ZNF536: variants seen among roughly 807,000 people sequenced by gnomAD.
ZNF536 encodes the protein zinc finger protein 536.
ZNF536 carries 13 observed loss-of-function variants against 84.5 expected under a neutral mutation model. The observed-to-expected ratio is 0.15, with a 90% confidence interval of 0.10 to 0.24. The LOEUF is 0.24. Ranked by LOEUF, ZNF536 falls within the 10% of genes least tolerant of loss-of-function variation. The probability of loss-of-function intolerance (pLI) is 1.00; values close to 1 mark genes in which losing one functional copy is unlikely to be tolerated. For synonymous variants in ZNF536, 811 were observed against 742.5 expected (o/e 1.09, Z -1.50); for missense variants, 1,536 against 1,747.5 (o/e 0.88, Z 2.16).
chr19:30,279,486 C>T (rs1052398079), intron 1 of ZNF536, among the ~76,000 whole-genome samples: 3 of 152,138 alleles, frequency 2.0e-5, no homozygotes, highest in Non-Finnish European at 2.9e-5. Flanking sequence ...CATCCCCCAG[C>T]GTTGTCTGAG....
intron 1 of ZNF536, among the ~76,000 whole-genome samples, chr19:30,267,888 C>G (rs1364404899): frequency 6.6e-6 from 1 of 150,378 alleles, no homozygotes; most frequent in Non-Finnish European, 1.5e-5. Flanking sequence ...GTGACAGAGA[C>G]ACACACACAC....
chr19:30,630,269 C>T (rs899557438), intron 1 of ZNF536, among the ~76,000 whole-genome samples: 3 of 152,310 alleles, frequency 2.0e-5, no homozygotes, highest in African/African-American at 7.2e-5. Flanking sequence ...ATATCTCAGG[C>T]ACTTTCTATT....
intron 2 of ZNF536, among the ~76,000 whole-genome samples, chr19:30,459,476 A>G (rs2053034000): frequency 6.6e-6 from 1 of 150,736 alleles, no homozygotes; most frequent in African/African-American, 2.4e-5. Context: ...TCAGCCTCCC[A>G]AGTAGCTGGG....
At chr19:30,405,036 G>A (rs984259885) in intron 1 of ZNF536, among the ~76,000 whole-genome samples, 7 of 152,204 alleles carry the variant, frequency 4.6e-5, no homozygotes, top group African/African-American at 1.7e-4. Context: ...AGAGGCGTAG[G>A]GGAATGTATG....
chr19:30,278,713 A>G (rs946766904), intron 1 of ZNF536, among the ~76,000 whole-genome samples: 2 of 152,058 alleles, frequency 1.3e-5, no homozygotes, highest in African/African-American at 4.8e-5. Flanking sequence ...GTCATGGAAC[A>G]CATCCCGAAT....
intron 1 of ZNF536, among the ~76,000 whole-genome samples, chr19:30,614,334 C>T (rs563076762): frequency 3.3e-5 from 5 of 151,688 alleles, no homozygotes; most frequent in African/African-American, 1.2e-4. Flanking sequence ...TTTTAGAGAT[C>T]TACTATAATT....
At chr19:30,264,641 T>C (rs555506909) in intron 1 of ZNF536, among the ~76,000 whole-genome samples, 3 of 152,124 alleles carry the variant, frequency 2.0e-5, no homozygotes, top group Middle Eastern at 3.4e-3. Flanking sequence ...CACTTTCTCA[T>C]ATAAGAGACA....
At chr19:30,576,062 A>G (rs2046724763) in intron 1 of ZNF536, among the ~76,000 whole-genome samples, 2 of 152,186 alleles carry the variant, frequency 1.3e-5, no homozygotes, top group South Asian at 4.1e-4. Flanking sequence ...GGAATTCTTA[A>G]TGATGTTTGA....
At chr19:30,320,871 C>CA (rs1306801417) in intron 2 of ZNF536, among the ~76,000 whole-genome samples, 3 of 152,302 alleles carry the variant, frequency 2.0e-5, no homozygotes, top group African/African-American at 7.2e-5. Context: ...GTCACAAAAA[C>CA]AGAGGCACAT....
intron 4 of ZNF536, chr19:30,556,880 G>C: frequency 3.0e-6 from 1 of 329,206 alleles, no homozygotes; most frequent in Non-Finnish European, 5.3e-6. Flanking sequence ...CTTTGGTTTC[G>C]GATGTTGTGT....
In ZNF536 at chr19:30,444,948, G is replaced by T; in HGVS notation, c.1386G>T (p.Glu462Asp). ...GCAAGGGCGAGCTGCCCATGAAGGAGAAGGAAGCGCTGGGGAAGCTGCTGT... is the reference window on the plus strand; with the variant it reads ...GCAAGGGCGAGCTGCCCATGAAGGATAAGGAAGCGCTGGGGAAGCTGCTGT... ...LYGKGELPMKEKEALGKLLSP... is the reference protein window; with the variant it reads ...LYGKGELPMKDKEALGKLLSP... Residue 462 changes from glutamate to aspartate, a missense_variant, in exon 2 of 5, where the codon GAG (glutamate) becomes GAT (aspartate). Physicochemically the swap from Glu to Asp is conservative, Grantham distance 45. Coordinates refer to ENST00000355537, the MANE Select transcript of ZNF536 (RefSeq NM_014717.3). 1 of 1,611,820 alleles carries T rather than the reference G, an allele frequency of 6.2e-7. No individual in the cohort carries two copies. Among genetic ancestry groups the T allele is most frequent in the Non-Finnish European group, 8.5e-7 (1 of 1,179,148 alleles).
chr19:30,255,731 C>A (rs961314374), intron 1 of ZNF536, among the ~76,000 whole-genome samples: 1 of 152,318 alleles, frequency 6.6e-6, no homozygotes, highest in Non-Finnish European at 1.5e-5. Context: ...CAATTTTCTT[C>A]TCATTACTTT....
At chr19:30,353,338 G>A (rs146023057) in intron 3 of ZNF536, among the ~76,000 whole-genome samples, 8 of 152,064 alleles carry the variant, frequency 5.3e-5, no homozygotes, top group Non-Finnish European at 1.0e-4. Flanking sequence ...GTGTAATATC[G>A]TAGGAGAAAA....
At chr19:30,539,254 C>T (rs2045225674) in intron 3 of ZNF536, among the ~76,000 whole-genome samples, 1 of 152,028 alleles carries the variant, frequency 6.6e-6, no homozygotes, top group Admixed American at 6.6e-5. Flanking sequence ...GGTGTAAATT[C>T]CAGTTCAAGT....
At chr19:30,587,451 C>T (rs895512478) in intron 1 of ZNF536, among the ~76,000 whole-genome samples, 4 of 152,208 alleles carry the variant, frequency 2.6e-5, no homozygotes, top group Admixed American at 6.5e-5. Context: ...CAAGCATGGT[C>T]TCCATCACCC....
intron 1 of ZNF536, among the ~76,000 whole-genome samples, chr19:30,643,577 G>A (rs531327517): frequency 3.3e-5 from 5 of 152,168 alleles, no homozygotes; most frequent in Non-Finnish European, 7.4e-5. Flanking sequence ...TTCCGGACAG[G>A]TACTTTTTAA....
At chr19:30,588,353 T>G (rs907531544) in intron 1 of ZNF536, among the ~76,000 whole-genome samples, 1 of 152,198 alleles carries the variant, frequency 6.6e-6, no homozygotes, top group African/African-American at 2.4e-5. Context: ...TTGAGGGTCC[T>G]GATCACCATG....
intron 2 of ZNF536, among the ~76,000 whole-genome samples, chr19:30,457,672 T>C (rs573735472): frequency 2.8e-4 from 43 of 152,270 alleles, no homozygotes; most frequent in African/African-American, 9.4e-4. Flanking sequence ...CAGTGGCTCA[T>C]GAATGGAGGA....
chr19:30,591,422 G>C (rs1010878844), intron 1 of ZNF536, among the ~76,000 whole-genome samples: 3 of 152,226 alleles, frequency 2.0e-5, no homozygotes, highest in African/African-American at 7.2e-5. Context: ...AGAAGCAAAG[G>C]CATGTCTTCC....
Sources: allele counts gnomAD v4.1 joint callset (sites outside exome capture counted in the v4.1 genomes callset), GRCh38; gene constraint gnomAD v4.1.1; transcripts MANE v1.5; gene names NCBI Gene and HGNC (gene_info 2026-07-23, HGNC 2026-07-21).